Variants in TDRD7 observed in about 807,000 individuals in gnomAD.
TDRD7 encodes tudor domain containing 7.
A neutral mutation model predicts 109.8 loss-of-function variants in TDRD7; 47 were observed. The observed-to-expected ratio is 0.43, with a 90% CI of 0.34 to 0.55. The LOEUF is 0.55. Among genes scored for constraint, TDRD7 ranks in the 20% least tolerant of loss-of-function variants. TDRD7 has a pLI of 0.03. For synonymous variants in TDRD7, 424 were observed against 457.3 expected, an observed-to-expected ratio of 0.93 and a Z score of 0.93; for missense variants, 1,164 against 1,319.2, an observed-to-expected ratio of 0.88 and a Z score of 1.82.
chr9:97,450,491 C>G (rs1200098042), intron 6 of TDRD7, among the ~76,000 whole-genome samples: 1 of 152,104 alleles, frequency 6.6e-6, no homozygotes, highest in African/African-American at 2.4e-5. Context: ...AGCCATGTTT[C>G]AAGTAGATGT....
chr9:97,478,307 TA>T (rs1829058190), intron 12 of TDRD7, 131 bp from the exon 13 acceptor site: 2 of 804,980 alleles, frequency 2.5e-6, no homozygotes, highest in African/African-American at 1.7e-5. Flanking sequence ...CATTTTAAAT[TA>T]GGGGAAAATT....
rs199582339 is a variant in TDRD7, at chr9:97,463,375, G to GTT, written c.1443-1464_1443-1463dup. 8.3e-4 allele frequency among the ~76,000 whole-genome samples: 119 copies of GTT among 143,298 alleles called. No homozygotes were observed. The East Asian group carries it at 0.011, about 14-fold the overall frequency. 94.0% of individuals were successfully genotyped at this position (143,298 alleles called of 152,430 possible). On this transcript the variant is annotated intron_variant, in intron 7 of 16. Transcript: ENST00000355295. ...TTCCATTTTGTGTAGGACTTTCTGA[G>GTT]TTTTGTTTTTTTTTTTTTTTTTCTC... is the stretch of plus-strand genomic sequence containing the variant.
chr9:97,417,176 T>A (rs1827824742), intron 1 of TDRD7, among the ~76,000 whole-genome samples: 1 of 152,056 alleles, frequency 6.6e-6, no homozygotes, highest in African/African-American at 2.4e-5. Flanking sequence ...ATCTCAGGCA[T>A]GTTCAAGGAA....
intron 2 of TDRD7, 70 bp from the exon 3 acceptor site, chr9:97,430,863 T>C: frequency 6.2e-7 from 1 of 1,602,378 alleles, no homozygotes. Context: ...GATCCACTTT[T>C]AAGAACTGGC....
At chr9:97,459,527 T>C (rs1351326249) in intron 6 of TDRD7, among the ~76,000 whole-genome samples, 1 of 152,218 alleles carries the variant, frequency 6.6e-6, no homozygotes, top group Non-Finnish European at 1.5e-5. Context: ...TACATAAAAA[T>C]ATGTCATCAA....
chr9:97,450,409 C>T (rs1010383752), intron 6 of TDRD7, among the ~76,000 whole-genome samples: 25 of 151,994 alleles, frequency 1.6e-4, no homozygotes, highest in African/African-American at 5.1e-4. Context: ...AACTAGATGC[C>T]GTAAAAGTTC....
rs961325342 is a variant in TDRD7 at position 97,460,269 on chromosome 9, T to C, written c.947T>C (p.Val316Ala). The C allele has an allele frequency of 1.1e-5, 17 of 1,614,238 alleles. No individual in the cohort carries two copies. The highest frequency in any genetic ancestry group is 1.4e-5 in the Non-Finnish European group (17 of 1,180,046). The change falls in exon 7 of 17, where the codon GTA becomes GCA. Residue 316 changes from valine to alanine, a missense_variant. Val to Ala is a moderately conservative substitution (Grantham distance 64). Transcript: ENST00000355295. Reference protein sequence around the residue: ...LLRSELDTEKVPLSPLPGPKQ... With the variant: ...LLRSELDTEKAPLSPLPGPKQ... ...AGAAGTGAACTGGATACTGAGAAAGTACCTCTATCCCCACTACCTGGTCCC... is the reference window on the plus strand; with the variant it reads ...AGAAGTGAACTGGATACTGAGAAAGCACCTCTATCCCCACTACCTGGTCCC...
In TDRD7 at chr9:97,460,237, G is replaced by C; in HGVS notation, c.915G>C (p.Gln305His). Residue 305 changes from glutamine to histidine, a missense_variant, in exon 7 of 17, where the codon CAG (glutamine) becomes CAC (histidine). Gln to His is a conservative substitution (Grantham distance 24). Coordinates refer to ENST00000355295, the MANE Select transcript of TDRD7 (RefSeq NM_014290.3). The part of the protein sequence containing the change: ...DLLLYPAKRK[Q>H]LLRSELDTEK... Reference sequence around the variant, plus strand: ...TTCTTTATCCAGCTAAGAGAAAGCAGCTTTTGAGAAGTGAACTGGATACTG... The same window carrying C: ...TTCTTTATCCAGCTAAGAGAAAGCACCTTTTGAGAAGTGAACTGGATACTG... 1 of 1,614,202 alleles carries C rather than the reference G, an allele frequency of 6.2e-7. No individual in the cohort carries two copies. The highest frequency in any genetic ancestry group is 8.5e-7 in the Non-Finnish European group (1 of 1,180,038).
At chr9:97,419,303 A>G (rs943014843) in intron 1 of TDRD7, among the ~76,000 whole-genome samples, 1 of 152,222 alleles carries the variant, frequency 6.6e-6, no homozygotes, top group Non-Finnish European at 1.5e-5. Context: ...GTCAGGGTGG[A>G]TTGGCACTGA....
intron 6 of TDRD7, among the ~76,000 whole-genome samples, chr9:97,447,078 C>T (rs1828414246): frequency 6.6e-6 from 1 of 152,034 alleles, no homozygotes; most frequent in African/African-American, 2.4e-5. Context: ...ATGATTGGAA[C>T]AATTTTTAAA....
chr9:97,472,076 C>T (rs1253771506), intron 9 of TDRD7, among the ~76,000 whole-genome samples: 4 of 151,920 alleles, frequency 2.6e-5, no homozygotes, highest in African/African-American at 9.7e-5. Flanking sequence ...TTTAAGATTG[C>T]CTGCCTTAGT....
At position 97,483,238 on chromosome 9, in the gene TDRD7, G is replaced by A; in HGVS notation, c.2802G>A (p.Glu934=). Residue 934 remains glutamate (E), a synonymous_variant, in exon 15 of 17, where the codon GAG becomes GAA. Transcript: ENST00000355295. Reference sequence around the variant, plus strand: ...ACTTCGTCATCCAGCCTTGGCAGGAGATACATAAGTTGGAAGTTCTGATGG... The same window carrying A: ...ACTTCGTCATCCAGCCTTGGCAGGAAATACATAAGTTGGAAGTTCTGATGG... ...PGYFVIQPWQ[E]IHKLEVLMEE... 1 of 1,613,596 alleles carries A rather than the reference G, an allele frequency of 6.2e-7. No homozygotes were observed. Among genetic ancestry groups the A allele is most frequent in the Non-Finnish European group, 8.5e-7 (1 of 1,179,654 alleles).
In TDRD7 at chr9:97,460,279, C is replaced by G; in HGVS notation, c.957C>G (p.Ser319=). 3 of 1,614,186 alleles carry G rather than the reference C, an allele frequency of 1.9e-6. No individual in the cohort carries two copies. Among genetic ancestry groups the G allele is most frequent in the Non-Finnish European group, 2.5e-6 (3 of 1,180,028 alleles). ...TGGATACTGAGAAAGTACCTCTATC[C>G]CCACTACCTGGTCCCAAACAAACAC... ...SELDTEKVPL[S]PLPGPKQTPP... is the part of the protein sequence containing the mutation. Residue 319 remains serine (S), a synonymous_variant, in exon 7 of 17, where the codon TCC becomes TCG. Transcript: ENST00000355295.
At chr9:97,435,370 C>T (rs1404251520) in intron 4 of TDRD7, among the ~76,000 whole-genome samples, 2 of 151,884 alleles carry the variant, frequency 1.3e-5, no homozygotes, top group East Asian at 3.9e-4. Flanking sequence ...TGGCTCATGC[C>T]TGTAATTCCA....
chr9:97,423,422 G>A (rs1159752559), intron 1 of TDRD7, among the ~76,000 whole-genome samples: 1 of 149,998 alleles, frequency 6.7e-6, no homozygotes, highest in Admixed American at 6.6e-5. Context: ...TATGTTTCTA[G>A]GAGTTTATCA....
At chr9:97,462,113 TAAAGG>T (rs1828736162) in intron 7 of TDRD7, among the ~76,000 whole-genome samples, 1 of 152,134 alleles carries the variant, frequency 6.6e-6, no homozygotes, top group Non-Finnish European at 1.5e-5. Context: ...TGTATTGAAG[TAAAGG>T]AAAGATATTG....
chr9:97,446,915 A>G lies in TDRD7; in HGVS notation c.855+5040A>G, dbSNP rs547446024. On this transcript the variant is annotated intron_variant, in intron 6 of 16. Coordinates refer to ENST00000355295, the MANE Select transcript of TDRD7 (RefSeq NM_014290.3). ...CCTCAGGCTTAGTGGTATTGAATAT[A>G]CTCTATATATTGAATATATTCTAAA... 4.6e-5 allele frequency among the ~76,000 whole-genome samples: 7 copies of G among 152,294 alleles called. No individual in the cohort carries two copies. The South Asian group carries it at 1.4e-3, about 32-fold the overall frequency.
intron 1 of TDRD7, among the ~76,000 whole-genome samples, chr9:97,423,313 CTG>C (rs1010789959): frequency 2.0e-5 from 3 of 151,666 alleles, no homozygotes; most frequent in African/African-American, 7.3e-5. Flanking sequence ...ACTGGCATAA[CTG>C]TTTTATCATG....
chr9:97,439,140 C>T, intron 4 of TDRD7, 105 bp from the exon 5 acceptor site: 5 of 669,954 alleles, frequency 7.5e-6, no homozygotes, highest in Non-Finnish European at 9.1e-6. Flanking sequence ...ACTTGTTTTG[C>T]TGTTAAATGC....
Sources: gnomAD v4.1 joint callset for allele counts (sites outside exome capture counted in the v4.1 genomes callset) on GRCh38, gnomAD v4.1.1 for gene constraint, MANE v1.5 for transcripts, NCBI Gene and HGNC (gene_info 2026-07-23, HGNC 2026-07-21) for gene names.